OVCH1: variants seen among roughly 807,000 people sequenced by gnomAD.
The protein encoded by OVCH1 is ovochymase 1.
Under a neutral mutation model 138.4 loss-of-function variants are expected in OVCH1, and 139 were observed. The ratio of observed to expected loss-of-function variants is 1.00; its 90% CI spans 0.87 to 1.16. The LOEUF (loss-of-function observed/expected upper bound fraction) is 1.16, where lower values mean the gene tolerates loss of function less well. Among genes scored for constraint, OVCH1 ranks in the 50% most tolerant of loss-of-function variants. OVCH1 has a pLI of 0.00. For synonymous variants in OVCH1, 453 were observed against 467.8 expected (o/e 0.97, Z 0.41); for missense variants, 1,367 against 1,357.9 (o/e 1.01, Z -0.11).
At chr12:29,478,637 G>A (rs982073534) in intron 9 of OVCH1, among the ~76,000 whole-genome samples, 198 bp downstream of exon 10, 11 of 152,004 alleles carry the variant, frequency 7.2e-5, no homozygotes, top group Non-Finnish European at 1.5e-4. Context: ...ATTGCCCTTG[G>A]TAGAATAAAA....
chr12:29,405,052 AAAAAC>A, the OVCH1 span, among the ~76,000 whole-genome samples: 1,321 of 129,592 alleles, frequency 0.01, 75 homozygotes, highest in Admixed American at 0.013. Context: ...AAAAAAAAAA[AAAAAC>A]AAAAGAAATG....
At chr12:29,497,577 C>T (rs777835412) in intron 1 of OVCH1, 46 bp downstream of exon 1, 3 of 1,607,284 alleles carry the variant, frequency 1.9e-6, no homozygotes, top group South Asian at 1.1e-5. Context: ...CTCTCCAGCA[C>T]GCTCAGCCTC....
intron 22 of OVCH1, among the ~76,000 whole-genome samples, chr12:29,446,676 A>C (rs1941624193): frequency 6.6e-6 from 1 of 152,108 alleles, no homozygotes; most frequent in Admixed American, 6.6e-5. Flanking sequence ...TTTCCCCAGA[A>C]AATGTGTCTC....
chr12:29,416,271 G>C (rs1012848681), intron 3 of OVCH1, among the ~76,000 whole-genome samples: 2 of 151,928 alleles, frequency 1.3e-5, no homozygotes, highest in Non-Finnish European at 2.9e-5. Context: ...ACTTAGACTT[G>C]ACACCAAAAG....
intron 8 of OVCH1, among the ~76,000 whole-genome samples, chr12:29,481,995 G>T (rs1272964109): frequency 6.6e-6 from 1 of 152,140 alleles, no homozygotes; most frequent in African/African-American, 2.4e-5. Flanking sequence ...CTGGACTATT[G>T]CAGTAGTTGG....
intron 26 of OVCH1, among the ~76,000 whole-genome samples, chr12:29,437,557 A>G (rs775514358): frequency 6.6e-6 from 1 of 152,180 alleles, no homozygotes; most frequent in African/African-American, 2.4e-5. Flanking sequence ...ATTCTAGTAA[A>G]TGTAGTTTGC....
chr12:29,451,186 TAAAG>T (rs1163587370), intron 22 of OVCH1, among the ~76,000 whole-genome samples, 155 bp downstream of exon 22: 2 of 151,620 alleles, frequency 1.3e-5, no homozygotes, highest in Non-Finnish European at 2.9e-5. Flanking sequence ...ATAATAATAA[TAAAG>T]AAAATGTTAA....
chr12:29,425,961 A>G (rs749173302), downstream of OVCH1: 6 of 152,324 alleles, frequency 3.9e-5, no homozygotes, highest in African/African-American at 1.2e-4. Flanking sequence ...CAGTTTGCCA[A>G]CGTTCCTTAA....
At chr12:29,449,260 C>CT (rs11463087) in intron 22 of OVCH1, among the ~76,000 whole-genome samples, 85,333 of 147,206 alleles carry the variant, frequency 0.58, 25,076 homozygotes, top group African/African-American at 0.68. Context: ...GCCCTCTTGC[C>CT]TTTTTCCCCC....
intron 6 of OVCH1, 91 bp downstream of exon 6, chr12:29,489,529 A>G: frequency 7.3e-7 from 1 of 1,363,908 alleles, no homozygotes; most frequent in South Asian, 1.5e-5. Context: ...TGACACAGTA[A>G]TAGAAGAAAC....
intron 22 of OVCH1, 33 bp downstream of exon 22, chr12:29,451,312 C>CT: frequency 6.4e-7 from 1 of 1,566,366 alleles, no homozygotes; most frequent in South Asian, 1.1e-5. Flanking sequence ...ACCAAGACTC[C>CT]TAGCACGAAG....
the OVCH1 span, among the ~76,000 whole-genome samples, chr12:29,405,021 CAA>C: frequency 2.9e-3 from 236 of 80,408 alleles, 4 homozygotes; most frequent in African/African-American, 0.011. Flanking sequence ...CACTCCACCT[CAA>C]AAAAAAAAAA....
intron 27 of OVCH1, chr12:29,433,652 T>TG (rs1941308032): frequency 8.1e-7 from 1 of 1,237,500 alleles, no homozygotes; most frequent in Admixed American, 3.3e-5. Context: ...GAATAGTGCC[T>TG]GGCATATTCC....
intron 16 of OVCH1, among the ~76,000 whole-genome samples, chr12:29,469,003 T>C (rs1192487865): frequency 6.6e-6 from 1 of 151,990 alleles, no homozygotes. Context: ...TCTTGCAGTG[T>C]TACAAAAGGA....
At position 29,414,281 on chromosome 12, in the gene OVCH1, C is replaced by T. The variant is rs1437525188; in HGVS notation, c.*72-1556G>A. Among the ~76,000 whole-genome samples, 4 of 152,254 alleles carry T rather than the reference C, an allele frequency of 2.6e-5. No homozygotes were observed. The East Asian group carries it at 7.7e-4, about 29-fold the overall frequency. On this transcript the variant is annotated intron_variant and NMD_transcript_variant, in intron 3 of 4. Coordinates refer to the OVCH1 transcript ENST00000539117. ...CCTCAGGTGATCCACCCCCCTCAGCCTCCCAAAGTGCTGGGATTACAGGCA... is the reference window on the plus strand; with the variant it reads ...CCTCAGGTGATCCACCCCCCTCAGCTTCCCAAAGTGCTGGGATTACAGGCA...
intron 3 of OVCH1, 69 bp from the exon 4 acceptor site, chr12:29,495,526 T>G: frequency 7.2e-7 from 1 of 1,397,216 alleles, no homozygotes; most frequent in Non-Finnish European, 9.8e-7. Flanking sequence ...TTTGATGTAA[T>G]TAAATGAAAA....
At chr12:29,428,078 C>T (rs966984984) in intron 27 of OVCH1, among the ~76,000 whole-genome samples, 1 of 152,184 alleles carries the variant, frequency 6.6e-6, no homozygotes, top group African/African-American at 2.4e-5. Context: ...TGGACATACA[C>T]TGTCTCACAG....
intron 1 of OVCH1, 61 bp from the exon 2 acceptor site, chr12:29,496,735 A>G: frequency 7.7e-7 from 1 of 1,299,876 alleles, no homozygotes; most frequent in Non-Finnish European, 1.1e-6. Context: ...TCACTTTACC[A>G]AGATTTCCCA....
chr12:29,443,435 A>G (rs749992801), exon 25 of OVCH1: 2 of 1,611,488 alleles, frequency 1.2e-6, no homozygotes, highest in African/African-American at 1.3e-5. Context: ...TGTTGGCTTC[A>G]TCGGGAAGTT....
Sources: gnomAD v4.1 joint callset for allele counts (sites outside exome capture counted in the v4.1 genomes callset) on GRCh38, gnomAD v4.1.1 for gene constraint, MANE v1.5 for transcripts, NCBI Gene and HGNC (gene_info 2026-07-23, HGNC 2026-07-21) for gene names.